FAM117B: variants seen among roughly 807,000 people sequenced by gnomAD.
FAM117B encodes the protein protein FAM117B.
In FAM117B, 22 loss-of-function variants were observed where a neutral mutation model predicts 52.8. The ratio of observed to expected loss-of-function variants is 0.42; its 90% CI spans 0.30 to 0.59. The LOEUF (loss-of-function observed/expected upper bound fraction) is 0.59, where lower values mean the gene tolerates loss of function less well. Ranked by LOEUF, FAM117B falls within the 20% of genes least tolerant of loss-of-function variation. The pLI is 0.22. For missense variants in FAM117B, 678 were observed against 802.6 expected (o/e 0.84, Z 1.88); for synonymous variants, 309 against 324.1 (o/e 0.95, Z 0.50).
intron 1 of FAM117B, among the ~76,000 whole-genome samples, chr2:202,650,616 C>T (rs1044153488): frequency 6.6e-6 from 1 of 152,130 alleles, no homozygotes; most frequent in Non-Finnish European, 1.5e-5. Context: ...GGAAGCCAGT[C>T]CGAGTCCCAA....
chr2:202,740,169 T>TC (rs1553523190), intron 4 of FAM117B, among the ~76,000 whole-genome samples: 490 of 7,408 alleles, frequency 0.066, 11 homozygotes, highest in African/African-American at 0.22. Flanking sequence ...CGAGACTTCA[T>TC]CCCCCAAAAA....
intron 1 of FAM117B, among the ~76,000 whole-genome samples, chr2:202,636,994 G>T (rs1689696311): frequency 6.6e-6 from 1 of 152,078 alleles, no homozygotes; most frequent in South Asian, 2.1e-4. Flanking sequence ...CCAACTCCCG[G>T]GTTCAAACGA....
At chr2:202,701,191 T>C (rs1188524803) in intron 2 of FAM117B, among the ~76,000 whole-genome samples, 1 of 152,226 alleles carries the variant, frequency 6.6e-6, no homozygotes, top group East Asian at 1.9e-4. Context: ...TTAAGAATTA[T>C]GCTAAATCTA....
At position 202,665,410 on chromosome 2, in the gene FAM117B, G is replaced by T. The variant is rs1172809612; in HGVS notation, c.601+29622G>T. 2.0e-5 allele frequency among the ~76,000 whole-genome samples: 3 copies of T among 152,020 alleles called. No individual in the cohort carries two copies. In the East Asian group the frequency reaches 5.8e-4, roughly 29 times the overall value. On this transcript the variant is annotated intron_variant, in intron 1 of 7. Transcript: ENST00000392238. ...ACTTGCTCTTCTGCAGCCAGCCAAA[G>T]AAAACTTTCTATTTTTAAAGGGCAC...
chr2:202,715,975 G>A (rs1270213466), intron 2 of FAM117B, among the ~76,000 whole-genome samples: 6 of 149,826 alleles, frequency 4.0e-5, no homozygotes, highest in Admixed American at 2.0e-4. Context: ...GCAGGCACTC[G>A]GCAGGCTGAG....
intron 1 of FAM117B, among the ~76,000 whole-genome samples, chr2:202,644,064 G>GTTTTTT (rs1161026426): frequency 7.4e-5 from 7 of 95,136 alleles, no homozygotes; most frequent in African/African-American, 1.8e-4. Context: ...TTTTTTTTTT[G>GTTTTTT]TTTTTTTTTT....
intron 2 of FAM117B, among the ~76,000 whole-genome samples, chr2:202,720,922 C>T (rs1292105639): frequency 1.3e-5 from 2 of 152,140 alleles, no homozygotes; most frequent in Non-Finnish European, 2.9e-5. Flanking sequence ...CAGTTGTTTT[C>T]TTGGAGGTTG....
At chr2:202,741,562 A>T (rs1691539679) in intron 4 of FAM117B, among the ~76,000 whole-genome samples, 1 of 143,478 alleles carries the variant, frequency 7.0e-6, no homozygotes, top group African/African-American at 2.7e-5. Context: ...TTTGAGACGG[A>T]GTCTTGCTCT....
At position 202,640,289 on chromosome 2, in the gene FAM117B, C is replaced by T. The variant is rs1689748172; in HGVS notation, c.601+4501C>T. Among the ~76,000 whole-genome samples, 3 of 76,962 alleles carry T rather than the reference C, an allele frequency of 3.9e-5. No individual in the cohort carries two copies. In the South Asian group the frequency reaches 1.2e-3, roughly 31 times the overall value. The allele number at this position is 76,962 out of a possible 152,430, so 50.5% of individuals were successfully genotyped here. A position where few individuals can be genotyped will look rare whatever the true frequency, so the allele number is the denominator to read the frequency against. On this transcript the variant is annotated intron_variant, in intron 1 of 7. Coordinates refer to ENST00000392238, the MANE Select transcript of FAM117B (RefSeq NM_173511.4). ...TCCGTCACAACAACCACCACCACCA[C>T]CACAAAATATATATATATATATATA...
intron 1 of FAM117B, among the ~76,000 whole-genome samples, chr2:202,677,720 T>C (rs146367883): frequency 7.7e-4 from 118 of 152,320 alleles, no homozygotes; most frequent in African/African-American, 2.7e-3. Context: ...TATAAACTCC[T>C]AAAATCTCTG....
intron 2 of FAM117B, among the ~76,000 whole-genome samples, chr2:202,721,036 A>T (rs62194149): frequency 0.21 from 32,694 of 152,138 alleles, 3,760 homozygotes; most frequent in South Asian, 0.38. Flanking sequence ...TTTTTCTGCA[A>T]CCTTGTATTT....
intron 1 of FAM117B, among the ~76,000 whole-genome samples, chr2:202,640,144 G>A (rs1235533573): frequency 6.6e-6 from 1 of 150,686 alleles, no homozygotes; most frequent in African/African-American, 2.4e-5. Flanking sequence ...GGTGGCAGGC[G>A]CCTATAATCC....
At chr2:202,654,062 T>A (rs865847314) in intron 1 of FAM117B, among the ~76,000 whole-genome samples, 63 of 134,858 alleles carry the variant, frequency 4.7e-4, no homozygotes, top group African/African-American at 1.5e-3. Context: ...AGAGAGTGAG[T>A]GAGAGAGAGA....
intron 1 of FAM117B, among the ~76,000 whole-genome samples, chr2:202,682,732 G>T (rs1690481568): frequency 6.6e-6 from 1 of 152,168 alleles, no homozygotes; most frequent in African/African-American, 2.4e-5. Context: ...AATTAAATTA[G>T]AAGTCAGTAA....
chr2:202,763,780 T>C (rs1691935317), intron 7 of FAM117B, among the ~76,000 whole-genome samples: 1 of 152,186 alleles, frequency 6.6e-6, no homozygotes, highest in South Asian at 2.1e-4. Context: ...CTCCATAGTG[T>C]TCACTGTTAA....
chr2:202,644,078 T>TTTTTTTTTG, intron 1 of FAM117B, among the ~76,000 whole-genome samples: 1 of 145,816 alleles, frequency 6.9e-6, no homozygotes, highest in Non-Finnish European at 1.5e-5. Flanking sequence ...TTTTTTTTTT[T>TTTTTTTTTG]TTTTTTCAGT....
chr2:202,758,186 G>A (rs894131844), intron 6 of FAM117B, among the ~76,000 whole-genome samples: 3 of 152,134 alleles, frequency 2.0e-5, no homozygotes, highest in Non-Finnish European at 4.4e-5. Context: ...GTCCTAAAAT[G>A]CCCTGCTGTT....
Position 202,737,633 on chromosome 2 carries a change from G to T in FAM117B, c.960+11270G>T, listed in dbSNP as rs191227516. Among the ~76,000 whole-genome samples the T allele has an allele frequency of 3.0e-3, 460 of 151,346 alleles. 5 individuals are homozygous for T. The highest frequency in any genetic ancestry group is 9.4e-3 in the African/African-American group (388 of 41,222). On this transcript the variant is annotated intron_variant, in intron 4 of 7. Coordinates refer to ENST00000392238, the MANE Select transcript of FAM117B (RefSeq NM_173511.4). ...TTTTTTTTTTTTGAGACAGAGTCTC[G>T]CTCTGTAGTCTAGACTGGAGTGCAG...
At chr2:202,706,291 A>G (rs552584030) in intron 2 of FAM117B, among the ~76,000 whole-genome samples, 2 of 152,200 alleles carry the variant, frequency 1.3e-5, no homozygotes, top group East Asian at 3.9e-4. Context: ...TGTGTTTCTG[A>G]GGCTATTTTT....
Sources: allele counts gnomAD v4.1 joint callset (sites outside exome capture counted in the v4.1 genomes callset), GRCh38; gene constraint gnomAD v4.1.1; transcripts MANE v1.5; gene names NCBI Gene and HGNC (gene_info 2026-07-23, HGNC 2026-07-21).